The following FANCA variants were observed in gnomAD, a reference collection of about 807,000 sequenced individuals.
The protein encoded by FANCA is Fanconi anemia group A protein.
FANCA carries 236 observed loss-of-function variants against 194.3 expected under a neutral mutation model. The ratio of observed to expected loss-of-function variants is 1.21; its 90% CI spans 1.09 to 1.35. FANCA has a LOEUF of 1.35. Ranked by LOEUF, FANCA falls within the 40% of genes most tolerant of loss-of-function variation. The probability of loss-of-function intolerance (pLI) is 0.00; values close to 1 mark genes in which losing one functional copy is unlikely to be tolerated. For missense variants in FANCA, 2,628 were observed against 1,813.9 expected (o/e 1.45, Z -8.15); for synonymous variants, 1,014 against 715.8 (o/e 1.42, Z -6.65).
chr16:89,772,298 G>T (rs1462849283), intron 22 of FANCA, among the ~76,000 whole-genome samples: 1 of 152,224 alleles, frequency 6.6e-6, no homozygotes, highest in African/African-American at 2.4e-5. Context: ...TGTCCCCCAT[G>T]TACCACATTC....
chr16:89,740,562 G>A, intron 38 of FANCA: 1 of 545,902 alleles, frequency 1.8e-6, no homozygotes, highest in South Asian at 2.2e-5. Flanking sequence ...CTTGAACCCA[G>A]GAGGCTGAGG....
chr16:89,804,170 T>C (rs965837477), intron 7 of FANCA, among the ~76,000 whole-genome samples: 22 of 152,162 alleles, frequency 1.4e-4, no homozygotes, highest in African/African-American at 4.3e-4. Flanking sequence ...GAATGCTAAG[T>C]CGCTCATGCC....
At chr16:89,750,244 G>A (rs1032147450) in intron 31 of FANCA, among the ~76,000 whole-genome samples, 1 of 152,156 alleles carries the variant, frequency 6.6e-6, no homozygotes, top group East Asian at 1.9e-4. Context: ...CACTTTGGGA[G>A]GCCAAGGCAG....
At chr16:89,780,236 C>G (rs1397184418) in intron 17 of FANCA, among the ~76,000 whole-genome samples, 1 of 152,098 alleles carries the variant, frequency 6.6e-6, no homozygotes, top group East Asian at 1.9e-4. Flanking sequence ...CTGCTGAGAG[C>G]CTGCCGTGAG....
chr16:89,810,875 A>T (rs2040850269), intron 4 of FANCA, 54 bp downstream of exon 4: 4 of 1,614,050 alleles, frequency 2.5e-6, no homozygotes, highest in Non-Finnish European at 3.4e-6. Context: ...CTATTTTCCC[A>T]ACCAGCTTAA....
In FANCA at chr16:89,739,515, C is replaced by A; in HGVS notation, c.3973G>T (p.Asp1325Tyr). Residue 1325 changes from aspartate (D) to tyrosine (Y), a missense_variant, in exon 40 of 43, where the codon GAT (aspartate) becomes TAT (tyrosine). Coordinates refer to ENST00000389301, the MANE Select transcript of FANCA (RefSeq NM_000135.4). ...LGRLLLRVAP[D>Y]QHTRLLPFAF... ...AAAGGCAGCAGCCTGGTGTGCTGAT[C>A]CGGGGCCACACGGAGGAGGAGCCGC... The A allele has an allele frequency of 6.4e-7, 1 of 1,551,374 alleles. No individual in the cohort carries two copies. The highest frequency in any genetic ancestry group is 8.7e-7 in the Non-Finnish European group (1 of 1,147,134).
intron 38 of FANCA, 62 bp from the exon 39 acceptor site, chr16:89,740,161 G>T: frequency 7.6e-7 from 1 of 1,315,242 alleles, no homozygotes; most frequent in Non-Finnish European, 1.1e-6. Context: ...GGGTAGGAGG[G>T]TACAGCCCTC....
intron 15 of FANCA, among the ~76,000 whole-genome samples, chr16:89,784,318 C>G (rs969087757): frequency 1.4e-5 from 2 of 146,436 alleles, no homozygotes; most frequent in Admixed American, 1.4e-4. Context: ...CTACAGTGAG[C>G]TATGATGGCA....
intron 2 of FANCA, among the ~76,000 whole-genome samples, chr16:89,815,208 T>A (rs1179132551): frequency 6.6e-6 from 1 of 151,970 alleles, no homozygotes; most frequent in South Asian, 2.1e-4. Context: ...GGCTAATTTT[T>A]GTATTTTAAG....
At chr16:89,790,299 CAGG>C (rs1198421590) in intron 14 of FANCA, among the ~76,000 whole-genome samples, 1 of 151,860 alleles carries the variant, frequency 6.6e-6, no homozygotes, top group Non-Finnish European at 1.5e-5. Flanking sequence ...GAGGCGGAGG[CAGG>C]AGAATTGCTT....
chr16:89,805,607 TACC>T (rs2040612422), intron 6 of FANCA, among the ~76,000 whole-genome samples: 1 of 152,050 alleles, frequency 6.6e-6, no homozygotes, highest in Non-Finnish European at 1.5e-5. Context: ...AACAGGCGCA[TACC>T]ACCACGCCCA....
Position 89,782,885 on chromosome 16 carries a change from A to T in FANCA, c.1600T>A (p.Leu534Met). ...SIENMGLYEDLSSAGDITEPH... is the reference protein window; with the variant it reads ...SIENMGLYEDMSSAGDITEPH... ...TCAGTAATGTCCCCAGCTGATGACAAATCCTCGTAGAGTCCCATGTTTTCT... is the reference window on the plus strand; with the variant it reads ...TCAGTAATGTCCCCAGCTGATGACATATCCTCGTAGAGTCCCATGTTTTCT... Residue 534 changes from leucine to methionine, a missense_variant, in exon 17 of 43, where the codon TTG becomes ATG. Transcript: ENST00000389301. 1 of 1,614,132 alleles carries T rather than the reference A, an allele frequency of 6.2e-7. No individual in the cohort carries two copies. Among genetic ancestry groups the T allele is most frequent in the Non-Finnish European group, 8.5e-7 (1 of 1,179,978 alleles).
In FANCA at chr16:89,740,790, A is replaced by T; in HGVS notation, c.3828+14T>A. On this transcript the variant is annotated intron_variant, in intron 38 of 42. Coordinates refer to ENST00000389301, the MANE Select transcript of FANCA (RefSeq NM_000135.4). ...AGTGGGAGAGGACACCTTGGCTGGTAAGGTCTGACTTACATTTGAGGTCAG... is the reference window on the plus strand; with the variant it reads ...AGTGGGAGAGGACACCTTGGCTGGTTAGGTCTGACTTACATTTGAGGTCAG... The T allele has an allele frequency of 6.2e-7, 1 of 1,612,204 alleles. No individual in the cohort carries two copies. The highest frequency in any genetic ancestry group is 8.5e-7 in the Non-Finnish European group (1 of 1,178,668).
At chr16:89,773,829 G>C (rs930986249) in intron 21 of FANCA, among the ~76,000 whole-genome samples, 1 of 149,940 alleles carries the variant, frequency 6.7e-6, no homozygotes, top group East Asian at 2.0e-4. Flanking sequence ...CTGGAGTGCA[G>C]TGGTGCGATC....
rs145750312 is a variant in FANCA, at chr16:89,802,862, G to C, written c.792+397C>G. Among the ~76,000 whole-genome samples, 16 of 152,342 alleles carry C rather than the reference G, an allele frequency of 1.1e-4. No individual in the cohort carries two copies. In the East Asian group the frequency reaches 2.9e-3, roughly 27 times the overall value. On this transcript the variant is annotated intron_variant, in intron 8 of 42. Transcript: ENST00000389301. Reference sequence around the variant, plus strand: ...AAAAAGTGGCTCTTGTGGAGGTAGAGAGTAGAACGAGAGATACCAGAGATG... The same window carrying C: ...AAAAAGTGGCTCTTGTGGAGGTAGACAGTAGAACGAGAGATACCAGAGATG...
At position 89,738,237 on chromosome 16, in the gene FANCA, A is replaced by C. The variant is rs1354465357; in HGVS notation, c.*364T>G. ...CAGAGGGCCAGGCGGTGAAGCCCGA[A>C]CCCACCTGAGGACGGCAGTGAGGAT... On this transcript the variant is annotated 3_prime_UTR_variant, in exon 43 of 43. Coordinates refer to ENST00000389301, the MANE Select transcript of FANCA (RefSeq NM_000135.4). The C allele has an allele frequency of 6.2e-7, 1 of 1,603,206 alleles. No homozygotes were observed. Among genetic ancestry groups the C allele is most frequent in the Non-Finnish European group, 8.5e-7 (1 of 1,175,574 alleles).
chr16:89,779,102 C>T (rs1886797279), intron 18 of FANCA, 99 bp from the exon 19 acceptor site: 1 of 1,090,898 alleles, frequency 9.2e-7, no homozygotes, highest in African/African-American at 1.6e-5. Flanking sequence ...TGCGAGGGCT[C>T]ACTCCAAAGC....
chr16:89,814,460 T>C, intron 3 of FANCA, 60 bp downstream of exon 3: 2 of 1,280,584 alleles, frequency 1.6e-6, no homozygotes, highest in Non-Finnish European at 2.3e-6. Context: ...TAGCAAACTA[T>C]GGTTACTATA....
In FANCA at chr16:89,778,817, T is replaced by C. The variant is rs2039604673; in HGVS notation, c.1810A>G (p.Ile604Val). The C allele has an allele frequency of 6.2e-7, 1 of 1,614,010 alleles. No homozygotes were observed. Among genetic ancestry groups the C allele is most frequent in the Non-Finnish European group, 8.5e-7 (1 of 1,180,006 alleles). ...GCTGCATACCTCTTCAGAGACTCTA[T>C]AAACGCCACACGGGAGTCAGGGACT... is the stretch of plus-strand genomic sequence containing the variant. ...PKVPDSRVAF[I>V]ESLKRADKIP... Residue 604 changes from isoleucine to valine, a missense_variant, in exon 20 of 43, where the codon ATA becomes GTA. Physicochemically the swap from Ile to Val is conservative, Grantham distance 29. Coordinates refer to ENST00000389301, the MANE Select transcript of FANCA (RefSeq NM_000135.4).
Sources: gnomAD v4.1 joint callset for allele counts (sites outside exome capture counted in the v4.1 genomes callset) on GRCh38, gnomAD v4.1.1 for gene constraint, MANE v1.5 for transcripts, NCBI Gene and HGNC (gene_info 2026-07-23, HGNC 2026-07-21) for gene names.